CAPZB: variants seen among roughly 807,000 people sequenced by gnomAD.
The protein encoded by CAPZB is capping actin protein of muscle Z-line subunit beta.
Under a neutral mutation model 38.1 loss-of-function variants are expected in CAPZB, and 2 were observed. The ratio of observed to expected loss-of-function variants is 0.05; its 90% CI spans 0.02 to 0.17. CAPZB has a LOEUF of 0.17. CAPZB is among the 10% of genes least tolerant of loss of function. CAPZB has a pLI of 1.00. For missense variants in CAPZB, 161 were observed against 334.2 expected (o/e 0.48, Z 4.04); for synonymous variants, 107 against 127.4 (o/e 0.84, Z 1.08).
chr1:19,410,410 T>C (rs1363834486), intron 2 of CAPZB, among the ~76,000 whole-genome samples: 1 of 152,242 alleles, frequency 6.6e-6, no homozygotes, highest in Non-Finnish European at 1.5e-5. Context: ...TATAGTGATA[T>C]ACTACTTGTG....
In CAPZB at chr1:19,370,342, T is replaced by G. The variant is rs190025404; in HGVS notation, c.329+8198A>C. 3.7e-4 allele frequency among the ~76,000 whole-genome samples: 56 copies of G among 152,292 alleles called. No homozygotes were observed. The East Asian group carries it at 6.2e-3, about 17-fold the overall frequency. On this transcript the variant is annotated intron_variant, in intron 4 of 8. Transcript: ENST00000264202. ...CACGGAATGTGGCACAAAGTTGCCCTCGGGGCCAAGGGTTATTGAAGGGAA... is the reference window on the plus strand; with the variant it reads ...CACGGAATGTGGCACAAAGTTGCCCGCGGGGCCAAGGGTTATTGAAGGGAA...
rs908311062 is a variant in CAPZB at position 19,449,192 on chromosome 1, G to T, written c.4-29442C>A. 28 of 1,202,132 alleles carry T rather than the reference G, an allele frequency of 2.3e-5. 1 individual carries two copies. The South Asian group carries it at 7.8e-4, about 33-fold the overall frequency. 74.5% of individuals were successfully genotyped at this position (1,202,132 alleles called of 1,614,324 possible). Reference sequence around the variant, plus strand: ...AGTGCACTGCGGTGTCTCTGAGCAGGCCTGAAAGGTCATGCTTCCCAAAGC... The same window carrying T: ...AGTGCACTGCGGTGTCTCTGAGCAGTCCTGAAAGGTCATGCTTCCCAAAGC... On this transcript the variant is annotated intron_variant, in intron 1 of 8. Coordinates refer to ENST00000264202, the MANE Select transcript of CAPZB (RefSeq NM_004930.5).
At chr1:19,417,368 A>T (rs977132958) in intron 2 of CAPZB, among the ~76,000 whole-genome samples, 1 of 152,230 alleles carries the variant, frequency 6.6e-6, no homozygotes, top group Non-Finnish European at 1.5e-5. Context: ...AAACTCAGCC[A>T]AGCATGCTTT....
intron 2 of CAPZB, among the ~76,000 whole-genome samples, chr1:19,413,304 T>C (rs2094365215): frequency 6.6e-6 from 1 of 152,210 alleles, no homozygotes; most frequent in Admixed American, 6.5e-5. Flanking sequence ...CATTACCTTT[T>C]CACTTACTTC....
intron 2 of CAPZB, among the ~76,000 whole-genome samples, chr1:19,418,436 C>T (rs1005229001): frequency 6.6e-6 from 1 of 152,206 alleles, no homozygotes; most frequent in Admixed American, 6.5e-5. Flanking sequence ...TACTACCCCC[C>T]TGAAATGTCG....
chr1:19,438,431 G>T (rs1378210027), intron 1 of CAPZB, among the ~76,000 whole-genome samples: 1 of 152,204 alleles, frequency 6.6e-6, no homozygotes, highest in East Asian at 1.9e-4. Flanking sequence ...CTGCCAAACA[G>T]ATCTGGGAAA....
chr1:19,457,285 T>C (rs545121003), intron 1 of CAPZB, among the ~76,000 whole-genome samples: 5 of 152,050 alleles, frequency 3.3e-5, no homozygotes, highest in Non-Finnish European at 7.4e-5. Flanking sequence ...CAGTTGAAGG[T>C]AGAAGATGAC....
intron 1 of CAPZB, among the ~76,000 whole-genome samples, chr1:19,478,422 G>A (rs934193742): frequency 2.6e-5 from 4 of 152,144 alleles, no homozygotes; most frequent in African/African-American, 9.7e-5. Context: ...TCATCACTAC[G>A]TGCCAGGTGA....
intron 4 of CAPZB, among the ~76,000 whole-genome samples, chr1:19,364,745 T>C (rs1287056003): frequency 6.6e-6 from 1 of 152,166 alleles, no homozygotes; most frequent in Non-Finnish European, 1.5e-5. Flanking sequence ...TACTCCTCCC[T>C]CCAGCACTCA....
rs537449229 is a variant in CAPZB at position 19,339,797 on chromosome 1, G to A, written c.732-180C>T. 9.9e-5 allele frequency among the ~76,000 whole-genome samples: 15 copies of A among 151,922 alleles called. No homozygotes were observed. In the East Asian group the frequency reaches 1.4e-3, roughly 14 times the overall value. On this transcript the variant is annotated intron_variant, in intron 8 of 8. Coordinates refer to ENST00000264202, the MANE Select transcript of CAPZB (RefSeq NM_004930.5). ...TCAGAAAGGGGCAAAGGGGTACATG[G>A]CCGAGACCTGCACCCTCTGCACCTT...
chr1:19,476,783 G>A (rs1452451483), intron 1 of CAPZB, among the ~76,000 whole-genome samples: 1 of 152,142 alleles, frequency 6.6e-6, no homozygotes, highest in Non-Finnish European at 1.5e-5. Flanking sequence ...TTCAACAAGT[G>A]GAACCAAAAA....
At chr1:19,455,701 T>C (rs371066458) in intron 1 of CAPZB, among the ~76,000 whole-genome samples, 20 of 152,134 alleles carry the variant, frequency 1.3e-4, no homozygotes, top group East Asian at 5.8e-4. Context: ...AGAGATGAGA[T>C]TGGCCCTGAC....
At chr1:19,482,081 C>A (rs149580424) in intron 1 of CAPZB, among the ~76,000 whole-genome samples, 1 of 152,188 alleles carries the variant, frequency 6.6e-6, no homozygotes, top group Non-Finnish European at 1.5e-5. Flanking sequence ...TTCTAACGGG[C>A]GAGGCACCTG....
intron 4 of CAPZB, among the ~76,000 whole-genome samples, chr1:19,372,127 A>C (rs1179037216): frequency 6.6e-6 from 1 of 152,242 alleles, no homozygotes; most frequent in Non-Finnish European, 1.5e-5. Context: ...AAAGCTTTTG[A>C]AGATTATCTC....
intron 1 of CAPZB, among the ~76,000 whole-genome samples, chr1:19,444,339 C>G (rs1351375363): frequency 6.6e-6 from 1 of 152,130 alleles, no homozygotes; most frequent in African/African-American, 2.4e-5. Context: ...TCTCAGACAC[C>G]CAGCTGCCAC....
intron 4 of CAPZB, among the ~76,000 whole-genome samples, chr1:19,366,448 G>C (rs2094088679): frequency 6.6e-6 from 1 of 151,724 alleles, no homozygotes; most frequent in South Asian, 2.1e-4. Context: ...CGGCACTTTG[G>C]GAAGCCGAGG....
At chr1:19,442,009 CAAA>C (rs11384902) in intron 1 of CAPZB, among the ~76,000 whole-genome samples, 8 of 86,054 alleles carry the variant, frequency 9.3e-5, no homozygotes, top group Admixed American at 1.4e-4. Flanking sequence ...ACTCTGTCTC[CAAA>C]AAAAAAAAAA....
At chr1:19,460,574 C>CGTTT (rs1553292634) in intron 1 of CAPZB, among the ~76,000 whole-genome samples, 1 of 90,972 alleles carries the variant, frequency 1.1e-5, no homozygotes, top group Admixed American at 1.5e-4. Context: ...TGTGCCCAGG[C>CGTTT]TTTTTTTTTT....
intron 1 of CAPZB, among the ~76,000 whole-genome samples, chr1:19,443,746 G>A (rs546335386): frequency 3.3e-5 from 5 of 152,210 alleles, no homozygotes; most frequent in South Asian, 2.1e-4. Flanking sequence ...CAGGTCACCT[G>A]GGCAAGGCCG....
Sources: gnomAD v4.1 joint callset for allele counts (sites outside exome capture counted in the v4.1 genomes callset) on GRCh38, gnomAD v4.1.1 for gene constraint, MANE v1.5 for transcripts, NCBI Gene and HGNC (gene_info 2026-07-23, HGNC 2026-07-21) for gene names.